The following AOPEP variants were observed in gnomAD, a reference collection of about 807,000 sequenced individuals.
The protein encoded by AOPEP is aminopeptidase O.
AOPEP carries 77 observed loss-of-function variants against 98.1 expected under a neutral mutation model. The ratio of observed to expected loss-of-function variants is 0.78; its 90% confidence interval spans 0.65 to 0.95. AOPEP has a LOEUF of 0.95. Ranked by LOEUF, AOPEP falls within the 40% of genes least tolerant of loss-of-function variation. The probability of loss-of-function intolerance (pLI) is 0.00; values close to 1 mark genes in which losing one functional copy is unlikely to be tolerated. For synonymous variants in AOPEP, 346 were observed against 365.3 expected, an observed-to-expected ratio of 0.95 and a Z score of 0.60; for missense variants, 1,024 against 1,024.7, an observed-to-expected ratio of 1.00 and a Z score of 0.01.
At chr9:94,770,922 T>G (rs1840720093) in intron 2 of AOPEP, among the ~76,000 whole-genome samples, 1 of 152,232 alleles carries the variant, frequency 6.6e-6, no homozygotes, top group Non-Finnish European at 1.5e-5. Context: ...GGAGGCCAGC[T>G]CAGCAGCTGG....
chr9:95,082,427 G>T, intron 15 of AOPEP, 148 bp from the exon 16 acceptor site: 1 of 807,516 alleles, frequency 1.2e-6, no homozygotes, highest in East Asian at 2.9e-5. Flanking sequence ...CAAAAGCACA[G>T]TCAGCCCACG....
intron 7 of AOPEP, chr9:94,933,161 T>G (rs1293313989): frequency 1.0e-6 from 1 of 985,646 alleles, no homozygotes; most frequent in African/African-American, 1.7e-5. Flanking sequence ...ATCTATCCCC[T>G]GCCTACAAGG....
At chr9:95,024,347 T>C (rs4743977) in intron 13 of AOPEP, among the ~76,000 whole-genome samples, 148,387 of 152,340 alleles carry the variant, frequency 0.97, 72,304 homozygotes, top group African/African-American at 0.99. Flanking sequence ...CAACAGAGAG[T>C]AGCAGTTCAT....
Position 95,086,704 on chromosome 9 carries a change from T to C in AOPEP, c.*27T>C. The C allele has an allele frequency of 1.0e-6, 1 of 988,262 alleles. No individual in the cohort carries two copies. The highest frequency in any genetic ancestry group is 3.0e-4 in the Middle Eastern group (1 of 3,330). 61.2% of individuals were successfully genotyped at this position (988,262 alleles called of 1,614,324 possible). A position where few individuals can be genotyped will look rare whatever the true frequency, so the allele number is the denominator to read the frequency against. The stretch of plus-strand genomic sequence containing the variant: ...CAGGAAAGACCACAGCAAGATTCTT[T>C]CATTCGTCTCCTCCTAGCCTGGGGG... On this transcript the variant is annotated 3_prime_UTR_variant, in exon 17 of 17. Transcript: ENST00000375315.
chr9:95,095,649 T>C, the AOPEP span, among the ~76,000 whole-genome samples: 1 of 152,240 alleles, frequency 6.6e-6, no homozygotes, highest in African/African-American at 2.4e-5. Flanking sequence ...AAGGGTTCCC[T>C]GTGGCAGACA....
At chr9:94,811,299 GT>G (rs1210281767) in intron 5 of AOPEP, among the ~76,000 whole-genome samples, 1 of 152,174 alleles carries the variant, frequency 6.6e-6, no homozygotes, top group African/African-American at 2.4e-5. Context: ...AAGATATTAT[GT>G]CCCCTAGGCT....
chr9:95,038,011 A>G (rs1050060109), intron 13 of AOPEP, among the ~76,000 whole-genome samples: 3 of 151,910 alleles, frequency 2.0e-5, no homozygotes, highest in Non-Finnish European at 2.9e-5. Flanking sequence ...AATGTGAGAA[A>G]CCTTCCATCC....
intron 5 of AOPEP, among the ~76,000 whole-genome samples, chr9:94,899,111 C>T (rs1188518578): frequency 6.6e-6 from 1 of 150,492 alleles, no homozygotes; most frequent in Non-Finnish European, 1.5e-5. Context: ...ACACTGGTTG[C>T]CTTGGAGGAG....
chr9:95,123,906 CTT>C, the AOPEP span: 10 of 442,394 alleles, frequency 2.3e-5, no homozygotes, highest in Non-Finnish European at 4.3e-5. Context: ...GGACTATTCT[CTT>C]GAGAAAAATA....
intron 5 of AOPEP, among the ~76,000 whole-genome samples, chr9:94,906,271 C>T (rs1320233726): frequency 2.1e-5 from 3 of 145,936 alleles, no homozygotes; most frequent in African/African-American, 7.6e-5. Context: ...CCAGCCTGGG[C>T]AACATAGCGA....
chr9:94,905,070 T>G (rs960902222), intron 5 of AOPEP, among the ~76,000 whole-genome samples: 4 of 152,362 alleles, frequency 2.6e-5, no homozygotes, highest in African/African-American at 9.6e-5. Flanking sequence ...TACAGACTTT[T>G]GAGAATTGAT....
intron 5 of AOPEP, among the ~76,000 whole-genome samples, chr9:94,871,674 AT>A (rs995246871): frequency 2.0e-5 from 3 of 150,826 alleles, no homozygotes; most frequent in East Asian, 1.9e-4. Flanking sequence ...AGTTTGGTTA[AT>A]TTTTTTTTTC....
At chr9:94,933,354 A>T in intron 7 of AOPEP, 3 of 985,496 alleles carry the variant, frequency 3.0e-6, no homozygotes, top group Non-Finnish European at 3.6e-6. Context: ...CAGGGTCAGA[A>T]GAAATCTGTT....
chr9:94,775,040 GAT>G (rs1841779234), intron 3 of AOPEP, among the ~76,000 whole-genome samples: 3 of 151,922 alleles, frequency 2.0e-5, no homozygotes, highest in African/African-American at 7.3e-5. Context: ...TTTAAAAAAA[GAT>G]ATTAATTTCT....
chr9:94,833,484 G>T (rs558433189), intron 5 of AOPEP, among the ~76,000 whole-genome samples: 1 of 151,918 alleles, frequency 6.6e-6, no homozygotes, highest in Admixed American at 6.6e-5. Context: ...TGATGCACCC[G>T]CCTTAGCCTC....
At chr9:94,849,809 T>C (rs2043317898) in intron 5 of AOPEP, among the ~76,000 whole-genome samples, 1 of 151,996 alleles carries the variant, frequency 6.6e-6, no homozygotes, top group South Asian at 2.1e-4. Flanking sequence ...CTGAGGTGGG[T>C]GGATCACCTG....
intron 5 of AOPEP, among the ~76,000 whole-genome samples, chr9:94,909,530 AG>A (rs1412356378): frequency 6.6e-6 from 1 of 152,146 alleles, no homozygotes; most frequent in East Asian, 1.9e-4. Flanking sequence ...ACCAAAACAA[AG>A]AAAAGGAACG....
At chr9:95,135,844 T>C in the AOPEP span, among the ~76,000 whole-genome samples, 3 of 152,140 alleles carry the variant, frequency 2.0e-5, no homozygotes, top group Non-Finnish European at 1.5e-5. Context: ...ACTGAAGAAA[T>C]AGGCATGTTC....
intron 11 of AOPEP, among the ~76,000 whole-genome samples, chr9:94,981,680 T>G (rs1298408848): frequency 1.3e-5 from 2 of 152,270 alleles, no homozygotes; most frequent in East Asian, 3.9e-4. Context: ...AGGAGGCTTG[T>G]GGTGAATGGG....
Sources: gnomAD v4.1 joint callset for allele counts (sites outside exome capture counted in the v4.1 genomes callset) on GRCh38, gnomAD v4.1.1 for gene constraint, MANE v1.5 for transcripts, NCBI Gene and HGNC (gene_info 2026-07-23, HGNC 2026-07-21) for gene names.